The following MLLT6 variants were observed in gnomAD, a reference collection of about 807,000 sequenced individuals.
MLLT6 encodes the protein protein AF-17.
In MLLT6, 22 loss-of-function variants were observed where a neutral mutation model predicts 103.0. The ratio of observed to expected loss-of-function variants is 0.21; its 90% CI spans 0.15 to 0.31. The LOEUF is 0.31. Ranked by LOEUF, MLLT6 falls within the 10% of genes least tolerant of loss-of-function variation. MLLT6 has a pLI of 1.00. For synonymous variants in MLLT6, 606 were observed against 623.5 expected (o/e 0.97, Z 0.42); for missense variants, 1,199 against 1,441.7 (o/e 0.83, Z 2.73).
chr17:38,725,416 C>T (rs1449438014), intron 19 of MLLT6, 141 bp from the exon 20 acceptor site: 3 of 735,028 alleles, frequency 4.1e-6, no homozygotes, highest in Non-Finnish European at 6.8e-6. Flanking sequence ...TGGTGCACAC[C>T]CCTCAGAGCC....
Position 38,705,607 on chromosome 17 carries a change from C to G in MLLT6, c.-26C>G. The G allele has an allele frequency of 1.4e-6, 2 of 1,420,180 alleles. No homozygotes were observed. Among genetic ancestry groups the G allele is most frequent in the Non-Finnish European group, 1.9e-6 (2 of 1,041,032 alleles). The allele number at this position is 1,420,180 out of a possible 1,614,324, so 88.0% of individuals were successfully genotyped here. A position where few individuals can be genotyped will look rare whatever the true frequency, so the allele number is the denominator to read the frequency against. ...ACCCCCGCCGGCCGGCCCCCCGCCC[C>G]AGCCCCGGAGGGAGCTCATGGGAGT... On this transcript the variant is annotated 5_prime_UTR_variant, in exon 1 of 20. Coordinates refer to ENST00000621332, the MANE Select transcript of MLLT6 (RefSeq NM_005937.4).
At chr17:38,719,322 C>G (rs576406874) in intron 12 of MLLT6, 195 bp from the exon 13 acceptor site, 131 of 594,258 alleles carry the variant, frequency 2.2e-4, no homozygotes, top group Admixed American at 9.8e-4. Context: ...AGAGCAGATG[C>G]CCGGGGTTTG....
intron 8 of MLLT6, chr17:38,715,397 T>C (rs1905290230): frequency 1.6e-6 from 1 of 638,696 alleles, no homozygotes; most frequent in Admixed American, 3.5e-5. Context: ...GTTCAGTGAA[T>C]TCCCCTCTGC....
intron 18 of MLLT6, 27 bp downstream of exon 18, chr17:38,722,795 G>A: frequency 6.5e-7 from 1 of 1,534,408 alleles, no homozygotes; most frequent in African/African-American, 1.4e-5. Context: ...CCCTGCCTCA[G>A]GTGCCCCTTG....
At position 38,705,444 on chromosome 17, in the gene MLLT6, G is replaced by A. The variant is rs1436161664; in HGVS notation, c.-189G>A. On this transcript the variant is annotated 5_prime_UTR_variant, in exon 1 of 20. Transcript: ENST00000621332. Reference sequence around the variant, plus strand: ...GGCGGGGGGGGCGGCCAGACAGAGCGAGCGAGGAGGAGGAGGAGGAGGACG... The same window carrying A: ...GGCGGGGGGGGCGGCCAGACAGAGCAAGCGAGGAGGAGGAGGAGGAGGACG... 4.8e-6 allele frequency: 2 copies of A among 417,278 alleles called. No homozygotes were observed. The highest frequency in any genetic ancestry group is 8.7e-6 in the Non-Finnish European group (2 of 229,720). The allele number at this position is 417,278 out of a possible 1,614,324, so 25.8% of individuals were successfully genotyped here.
Position 38,720,374 on chromosome 17 carries a change from G to C in MLLT6, c.2158G>C (p.Val720Leu), listed in dbSNP as rs753399791. Residue 720 changes from valine to leucine, a missense_variant and splice_region_variant, in exon 15 of 20, where the codon GTG becomes CTG. Val to Leu is a conservative substitution (Grantham distance 32). Transcript: ENST00000621332. ...CAGGTTCCTCGCTCTCTCCGCAGTCGTGGAGATGCTGAAGGCGCTGCACGC... is the reference window on the plus strand; with the variant it reads ...CAGGTTCCTCGCTCTCTCCGCAGTCCTGGAGATGCTGAAGGCGCTGCACGC... Reference protein sequence around the residue: ...QGDGEAGVNIVEMLKALHALQ... With the variant: ...QGDGEAGVNILEMLKALHALQ... The C allele has an allele frequency of 7.6e-6, 12 of 1,588,670 alleles. No homozygotes were observed. The highest frequency in any genetic ancestry group is 1.9e-4 in the Middle Eastern group (1 of 5,400).
At position 38,709,539 on chromosome 17, in the gene MLLT6, G is replaced by A. The variant is rs772546358; in HGVS notation, c.516G>A (p.Lys172=). 5.6e-6 allele frequency: 9 copies of A among 1,614,240 alleles called. No homozygotes were observed. Among genetic ancestry groups the A allele is most frequent in the Non-Finnish European group, 5.9e-6 (7 of 1,180,026 alleles). ...AAGTGCTGGAGGTGGACAACGTCAA[G>A]TACTGCGGCTACTGCAAATACCACT... ...EEEVLEVDNV[K]YCGYCKYHFS... The change falls in exon 6 of 20, where the codon AAG becomes AAA. Residue 172 remains lysine (K), a synonymous_variant. Coordinates refer to ENST00000621332, the MANE Select transcript of MLLT6 (RefSeq NM_005937.4). This position sits in a 1 kb window ranked among gnomAD's most constrained non-coding sequence, Gnocchi z 4.3.
chr17:38,722,665 A>AC lies in MLLT6; in HGVS notation c.2793-8dup. On this transcript the variant is annotated splice_polypyrimidine_tract_variant and intron_variant, in intron 17 of 19. Transcript: ENST00000621332. ...GTGTGTTGTCCCCCCCCCACCCCCC[A>AC]CCCCCACCTCAGCCTTACAGAGCAG... 2 of 226,530 alleles carry AC rather than the reference A, an allele frequency of 8.8e-6. No homozygotes were observed. The highest frequency in any genetic ancestry group is 1.6e-5 in the Non-Finnish European group (2 of 126,010). The allele number at this position is 226,530 out of a possible 1,614,324, so 14.0% of individuals were successfully genotyped here.
At chr17:38,720,962 G>A (rs536490263) in intron 16 of MLLT6, 24 of 596,236 alleles carry the variant, frequency 4.0e-5, no homozygotes, top group South Asian at 2.8e-4. Context: ...CCGGCACAGC[G>A]CTGCTTCTTA....
At chr17:38,720,783 G>A in intron 16 of MLLT6, 36 bp downstream of exon 16, 1 of 1,580,342 alleles carries the variant, frequency 6.3e-7, no homozygotes, top group Non-Finnish European at 8.7e-7. Context: ...GAAGGAGGGG[G>A]AGACTCAAGG....
intron 12 of MLLT6, 157 bp from the exon 13 acceptor site, chr17:38,719,360 G>A (rs900363819): frequency 3.9e-5 from 26 of 673,192 alleles, no homozygotes; most frequent in Non-Finnish European, 5.6e-5. Flanking sequence ...TTCCAAGCCA[G>A]GGCCCTCAGC....
At chr17:38,720,306 C>T (rs1905641663) in intron 14 of MLLT6, 66 bp from the exon 15 acceptor site, 1 of 649,878 alleles carries the variant, frequency 1.5e-6, no homozygotes. Context: ...CCAGGCCCCG[C>T]CCCCGGTCCC....
rs2143713201 is a variant in MLLT6, at chr17:38,724,359, C to T, written c.2884-261C>T. The T allele has an allele frequency of 2.3e-6, 1 of 428,746 alleles. No individual in the cohort carries two copies. Among genetic ancestry groups the T allele is most frequent in the East Asian group, 3.5e-5 (1 of 28,222 alleles). The allele number at this position is 428,746 out of a possible 1,614,324, so 26.6% of individuals were successfully genotyped here. On this transcript the variant is annotated intron_variant, in intron 18 of 19. Coordinates refer to ENST00000621332, the MANE Select transcript of MLLT6 (RefSeq NM_005937.4). The surrounding 1 kb of genome is among the most constrained non-coding windows in gnomAD (Gnocchi z 5.4). ...AGGAGCTGAGGGGTGATTCTGTGGG[C>T]AGGGCCAGAGATATTAAATACCCTG...
At chr17:38,719,612 G>A (rs1299629698) in intron 13 of MLLT6, 29 bp downstream of exon 13, 1 of 1,588,276 alleles carries the variant, frequency 6.3e-7, no homozygotes, top group Non-Finnish European at 8.6e-7. Flanking sequence ...TGGAGGAGGG[G>A]CTGGGGGCAG....
In MLLT6 at chr17:38,729,563, G is replaced by C. The variant is rs979043540; in HGVS notation, c.*3965G>C. On this transcript the variant is annotated 3_prime_UTR_variant, in exon 20 of 20. Coordinates refer to ENST00000621332, the MANE Select transcript of MLLT6 (RefSeq NM_005937.4). ...TTCCATGTAGCAGACCCTTCCTAGG[G>C]AGCAGGGAGGGGAAGCCACAGATTG... The C allele has an allele frequency of 4.3e-6, 1 of 232,840 alleles. No homozygotes were observed. The highest frequency in any genetic ancestry group is 2.2e-5 in the African/African-American group (1 of 45,202). The allele number at this position is 232,840 out of a possible 1,614,324, so 14.4% of individuals were successfully genotyped here. A position where few individuals can be genotyped will look rare whatever the true frequency, so the allele number is the denominator to read the frequency against.
At position 38,709,911 on chromosome 17, in the gene MLLT6, G is replaced by A. The variant is rs1037044027; in HGVS notation, c.552+336G>A. On this transcript the variant is annotated intron_variant, in intron 6 of 19. Coordinates refer to ENST00000621332, the MANE Select transcript of MLLT6 (RefSeq NM_005937.4). The surrounding 1 kb of genome is among the most constrained non-coding windows in gnomAD (Gnocchi z 4.3). ...TTGTGTGGGAGGCAGCATTTACTAC[G>A]CCTCCGCCTTAGGACAAAGTTCCTG... 1.5e-4 allele frequency among the ~76,000 whole-genome samples: 23 copies of A among 152,192 alleles called. No individual in the cohort carries two copies. Among genetic ancestry groups the A allele is most frequent in the African/African-American group, 4.8e-4 (20 of 41,444 alleles).
chr17:38,720,612 G>T, intron 15 of MLLT6, 43 bp downstream of exon 15: 1 of 1,613,108 alleles, frequency 6.2e-7, no homozygotes, highest in Non-Finnish European at 8.5e-7. Flanking sequence ...CCCGTGCCCT[G>T]AAGTCCGGAC....
rs991708240 is a variant in MLLT6, at chr17:38,729,211, G to C, written c.*3613G>C. On this transcript the variant is annotated 3_prime_UTR_variant, in exon 20 of 20. Coordinates refer to ENST00000621332, the MANE Select transcript of MLLT6 (RefSeq NM_005937.4). ...TAGGATCTTCCTTGGTGTGCAATGG[G>C]CCAGTTAGGGGTAGGCAGCTTGCAC... The C allele has an allele frequency of 4.3e-6, 1 of 233,092 alleles. No individual in the cohort carries two copies. Among genetic ancestry groups the C allele is most frequent in the African/African-American group, 2.2e-5 (1 of 45,318 alleles). The allele number at this position is 233,092 out of a possible 1,614,324, so 14.4% of individuals were successfully genotyped here.
chr17:38,720,162 T>C, intron 14 of MLLT6: 1 of 694,380 alleles, frequency 1.4e-6, no homozygotes, highest in African/African-American at 1.8e-5. Context: ...CCGTGTGGCC[T>C]CGACCCCAGC....
Sources: gnomAD v4.1 joint callset for allele counts (sites outside exome capture counted in the v4.1 genomes callset) on GRCh38, gnomAD v4.1.1 for gene constraint, Gnocchi (gnomAD v3.1) non-coding constraint, MANE v1.5 for transcripts, NCBI Gene and HGNC (gene_info 2026-07-23, HGNC 2026-07-21) for gene names.